The following COL24A1 variants were observed in gnomAD, a reference collection of about 807,000 sequenced individuals.
The protein encoded by COL24A1 is collagen type XXIV alpha 1 chain.
In COL24A1, 224 loss-of-function variants were observed where a neutral mutation model predicts 253.9. The observed-to-expected ratio is 0.88, with a 90% CI of 0.79 to 0.99. The LOEUF (loss-of-function observed/expected upper bound fraction) is 0.99, where lower values mean the gene tolerates loss of function less well. Among genes scored for constraint, COL24A1 ranks in the 50% least tolerant of loss-of-function variants. The pLI is 0.00. For synonymous variants in COL24A1, 685 were observed against 673.7 expected (o/e 1.02, Z -0.26); for missense variants, 2,131 against 2,068.5 (o/e 1.03, Z -0.59).
intron 2 of COL24A1, among the ~76,000 whole-genome samples, chr1:86,131,190 T>C (rs937164641): frequency 4.6e-5 from 7 of 152,014 alleles, no homozygotes; most frequent in African/African-American, 9.7e-5. Context: ...GTTCTTTATC[T>C]TTGAAATGCA....
At chr1:86,120,374 A>G (rs147341659) in intron 3 of COL24A1, among the ~76,000 whole-genome samples, 3,619 of 152,262 alleles carry the variant, frequency 0.024, 51 homozygotes, top group Middle Eastern at 0.048. Flanking sequence ...ATGGGGGAAA[A>G]TTTTTGCAAT....
At chr1:85,990,747 T>C (rs1371244095) in intron 19 of COL24A1, among the ~76,000 whole-genome samples, 1 of 152,180 alleles carries the variant, frequency 6.6e-6, no homozygotes, top group African/African-American at 2.4e-5. Flanking sequence ...TCAACAAGGA[T>C]AAGAACTACA....
At chr1:86,106,900 AT>A (rs1705033925) in intron 5 of COL24A1, among the ~76,000 whole-genome samples, 1 of 152,168 alleles carries the variant, frequency 6.6e-6, no homozygotes, top group Admixed American at 6.5e-5. Flanking sequence ...TATCCACTAA[AT>A]TTGTGTGTGG....
intron 20 of COL24A1, among the ~76,000 whole-genome samples, chr1:85,978,681 A>C (rs1276237974): frequency 1.3e-5 from 2 of 152,176 alleles, no homozygotes; most frequent in Non-Finnish European, 2.9e-5. Flanking sequence ...GGAGCTTCCA[A>C]ATTGATAAAA....
chr1:86,050,342 A>G (rs1342983748), intron 10 of COL24A1, among the ~76,000 whole-genome samples, 165 bp from the exon 11 acceptor site: 1 of 152,176 alleles, frequency 6.6e-6, no homozygotes, highest in East Asian at 1.9e-4. Flanking sequence ...CAGAAGTTAA[A>G]GATCAATCTT....
chr1:86,132,892 G>A (rs9659554), intron 2 of COL24A1, among the ~76,000 whole-genome samples: 145,951 of 151,722 alleles, frequency 0.96, 70,368 homozygotes, highest in Non-Finnish European at 1. Flanking sequence ...GTTTTTTCCA[G>A]TTCTGTGAAG....
chr1:86,105,836 C>G (rs945723804), intron 5 of COL24A1, among the ~76,000 whole-genome samples: 2 of 152,176 alleles, frequency 1.3e-5, no homozygotes, highest in African/African-American at 4.8e-5. Context: ...GCCAGTTCAA[C>G]TCACCTGTTC....
Position 86,072,681 on chromosome 1 carries a change from C to T in COL24A1, c.1708-8922G>A, listed in dbSNP as rs573034817. 3.2e-4 allele frequency among the ~76,000 whole-genome samples: 49 copies of T among 152,280 alleles called. 1 individual carries two copies. Among genetic ancestry groups the T allele is most frequent in the Admixed American group, 3.1e-3 (47 of 15,294 alleles). ...AAGTGGGTCCCTGACCCCCGTGCCTCGTGATTGGGAGACACCTCCCAGCAG... is the reference window on the plus strand; with the variant it reads ...AAGTGGGTCCCTGACCCCCGTGCCTTGTGATTGGGAGACACCTCCCAGCAG... On this transcript the variant is annotated intron_variant, in intron 7 of 59. Coordinates refer to ENST00000370571, the MANE Select transcript of COL24A1 (RefSeq NM_152890.7).
intron 59 of COL24A1, among the ~76,000 whole-genome samples, chr1:85,732,317 C>T (rs144851760): frequency 0.039 from 5,964 of 151,868 alleles, 196 homozygotes; most frequent in East Asian, 0.14. Flanking sequence ...GCAAGCTCCG[C>T]CTCCCAGGTT....
chr1:85,933,757 TG>T (rs1162152440), intron 24 of COL24A1, among the ~76,000 whole-genome samples: 4 of 152,182 alleles, frequency 2.6e-5, no homozygotes, highest in Admixed American at 6.6e-5. Context: ...CATGTGGAAA[TG>T]GTCATAATTT....
Position 85,896,066 on chromosome 1 carries a change from CT to C in COL24A1, c.2833-2del. 1 of 1,612,738 alleles carries C rather than the reference CT, an allele frequency of 6.2e-7. No individual in the cohort carries two copies. Among genetic ancestry groups the C allele is most frequent in the Non-Finnish European group, 8.5e-7 (1 of 1,179,476 alleles). On this transcript the variant is annotated splice_acceptor_variant, in intron 29 of 59. Transcript: ENST00000370571. LOFTEE classifies it high-confidence loss of function. Reference sequence around the variant, plus strand: ...TTTTTCCTTGATCTCCTTTTTCACCCTAACAAAGTATCAAAGCCAGGTGAGT... The same window carrying C: ...TTTTTCCTTGATCTCCTTTTTCACCCAACAAAGTATCAAAGCCAGGTGAGT...
chr1:85,862,559 G>A (rs545220224), intron 37 of COL24A1, among the ~76,000 whole-genome samples: 238 of 152,160 alleles, frequency 1.6e-3, no homozygotes, highest in African/African-American at 5.2e-3. Flanking sequence ...GCTCCAACCC[G>A]TTTGTTTTGT....
intron 43 of COL24A1, among the ~76,000 whole-genome samples, chr1:85,826,085 T>C: frequency 7.2e-6 from 1 of 139,328 alleles, no homozygotes; most frequent in Non-Finnish European, 1.6e-5. Flanking sequence ...TTAATCCATC[T>C]TGAATTGATT....
intron 31 of COL24A1, among the ~76,000 whole-genome samples, chr1:85,893,309 T>A (rs1045523926): frequency 6.6e-6 from 1 of 151,692 alleles, no homozygotes; most frequent in East Asian, 1.9e-4. Flanking sequence ...AAAAAAAGGA[T>A]CAATTGATCA....
chr1:85,910,058 A>G, intron 25 of COL24A1, 55 bp from the exon 26 acceptor site: 1 of 1,403,374 alleles, frequency 7.1e-7, no homozygotes, highest in Non-Finnish European at 1.0e-6. Context: ...ATTAGTCATG[A>G]CTGAGCTAAG....
chr1:86,136,163 T>C lies in COL24A1; in HGVS notation c.122-9949A>G, dbSNP rs184638126. ...AGAATGAATCCTTCATCTCAGTGAG[T>C]AGATTTTTGCATTTTCTGAGATCTG... On this transcript the variant is annotated intron_variant, in intron 2 of 59. Coordinates refer to ENST00000370571, the MANE Select transcript of COL24A1 (RefSeq NM_152890.7). Among the ~76,000 whole-genome samples, 309 of 152,192 alleles carry C rather than the reference T, an allele frequency of 2.0e-3. 1 individual carries two copies. The highest frequency in any genetic ancestry group is 3.5e-3 in the South Asian group (17 of 4,820).
At chr1:85,880,552 C>T (rs1681706013) in intron 32 of COL24A1, among the ~76,000 whole-genome samples, 1 of 152,184 alleles carries the variant, frequency 6.6e-6, no homozygotes, top group East Asian at 1.9e-4. Context: ...CAGAACTATG[C>T]TGAATAGGAG....
intron 47 of COL24A1, among the ~76,000 whole-genome samples, chr1:85,796,206 G>A (rs1287564187): frequency 6.6e-6 from 1 of 152,144 alleles, no homozygotes; most frequent in African/African-American, 2.4e-5. Flanking sequence ...GTGAAGACAG[G>A]TCTGTTTGAC....
intron 32 of COL24A1, among the ~76,000 whole-genome samples, chr1:85,889,238 G>A (rs898517596): frequency 5.9e-5 from 9 of 152,024 alleles, no homozygotes; most frequent in Admixed American, 3.9e-4. Flanking sequence ...GTGATTGTGC[G>A]TGTGTGGCAA....
Sources: gnomAD v4.1 joint callset for allele counts (sites outside exome capture counted in the v4.1 genomes callset) on GRCh38, gnomAD v4.1.1 for gene constraint, MANE v1.5 for transcripts, NCBI Gene and HGNC (gene_info 2026-07-23, HGNC 2026-07-21) for gene names.